GARIN3: variants seen among roughly 807,000 people sequenced by gnomAD.
GARIN3 encodes the protein golgi associated RAB2 interactor family member 3.
the GARIN3 span, chr5:157,163,200 AC>A: frequency 8.1e-6 from 13 of 1,614,114 alleles, no homozygotes; most frequent in Non-Finnish European, 1.1e-5. Flanking sequence ...AGGTGGAAGT[AC>A]CTTCCAAGGA....
At chr5:157,164,374 T>C in the GARIN3 span, among the ~76,000 whole-genome samples, 1 of 152,100 alleles carries the variant, frequency 6.6e-6, no homozygotes, top group East Asian at 1.9e-4. Context: ...CTGGTGTCGA[T>C]CTCCTGACCT....
the GARIN3 span, among the ~76,000 whole-genome samples, chr5:157,164,471 C>T: frequency 6.6e-6 from 1 of 152,196 alleles, no homozygotes; most frequent in African/African-American, 2.4e-5. Flanking sequence ...GTCTTGCTCT[C>T]ATTTCTTGCC....
chr5:157,162,776 G>T, the GARIN3 span: 1 of 1,614,180 alleles, frequency 6.2e-7, no homozygotes, highest in African/African-American at 1.3e-5. Context: ...GAGCTCTTGC[G>T]AGAGGAGCCA....
the GARIN3 span, among the ~76,000 whole-genome samples, chr5:157,165,063 T>C: frequency 2.6e-5 from 4 of 152,082 alleles, no homozygotes; most frequent in Admixed American, 6.6e-5. Flanking sequence ...CAGTTGCACA[T>C]TGGAGACTCA....
At chr5:157,162,412 C>A in the GARIN3 span, 3 of 1,593,386 alleles carry the variant, frequency 1.9e-6, no homozygotes, top group African/African-American at 2.7e-5. Context: ...AGGGATACTT[C>A]CAGATCCCTG....
the GARIN3 span, chr5:157,162,237 G>T: frequency 2.9e-6 from 2 of 692,800 alleles, no homozygotes; most frequent in Admixed American, 3.2e-5. Context: ...TTGCCTGGAG[G>T]CTGGGGTCTC....
the GARIN3 span, chr5:157,162,609 T>C: frequency 6.2e-7 from 1 of 1,614,238 alleles, no homozygotes; most frequent in South Asian, 1.1e-5. Context: ...TGTCATGTGA[T>C]GTGACCCTTG....
chr5:157,165,694 C>G, the GARIN3 span: 1 of 1,614,148 alleles, frequency 6.2e-7, no homozygotes, highest in Non-Finnish European at 8.5e-7. Flanking sequence ...TCCCGTGTGT[C>G]AGAAGAGGGA....
the GARIN3 span, chr5:157,163,324 G>T: frequency 3.7e-6 from 6 of 1,613,916 alleles, no homozygotes; most frequent in Admixed American, 1.0e-4. Context: ...AGCTGCTCCC[G>T]CCAGCGCTGT....
the GARIN3 span, chr5:157,165,678 A>G: frequency 6.2e-7 from 1 of 1,614,210 alleles, no homozygotes; most frequent in African/African-American, 1.3e-5. Context: ...ATAGCAAAAG[A>G]GATCTTCCCG....
the GARIN3 span, chr5:157,162,175 G>A: frequency 9.9e-6 from 5 of 505,032 alleles, no homozygotes; most frequent in Non-Finnish European, 1.7e-5. Flanking sequence ...TTGAGGCAAA[G>A]CTGAACACTC....
chr5:157,163,158 G>A, the GARIN3 span: 2 of 1,614,096 alleles, frequency 1.2e-6, no homozygotes, highest in Non-Finnish European at 1.7e-6. Context: ...TCAAGCTGCT[G>A]TCTTGGGAGA....
the GARIN3 span, chr5:157,166,027 C>G: frequency 6.2e-7 from 1 of 1,614,086 alleles, no homozygotes; most frequent in Non-Finnish European, 8.5e-7. Flanking sequence ...AAATTACTCT[C>G]GAACATTGGT....
the GARIN3 span, chr5:157,163,608 C>T: frequency 1.2e-6 from 2 of 1,613,948 alleles, no homozygotes; most frequent in Non-Finnish European, 1.7e-6. Flanking sequence ...CATCACAAGG[C>T]TTGTAGAGCC....
chr5:157,162,751 G>T, the GARIN3 span: 1 of 1,614,190 alleles, frequency 6.2e-7, no homozygotes, highest in Non-Finnish European at 8.5e-7. Flanking sequence ...CTCCTTTTTG[G>T]TGGAGCTGTG....
chr5:157,162,178 G>C, the GARIN3 span: 1 of 510,516 alleles, frequency 2.0e-6, no homozygotes, highest in Non-Finnish European at 3.4e-6. Context: ...AGGCAAAGCT[G>C]AACACTCACG....
chr5:157,163,676 G>A, the GARIN3 span: 4 of 1,600,272 alleles, frequency 2.5e-6, no homozygotes, highest in Non-Finnish European at 3.4e-6. Context: ...AAGGGGAAGA[G>A]AAACAGATGA....
chr5:157,162,304 G>C, the GARIN3 span: 1 of 1,285,458 alleles, frequency 7.8e-7, no homozygotes, highest in South Asian at 1.5e-5. Context: ...CCAGGCTATG[G>C]GCAGAAAAAT....
chr5:157,164,635 A>G, the GARIN3 span, among the ~76,000 whole-genome samples: 2 of 152,138 alleles, frequency 1.3e-5, no homozygotes, highest in Non-Finnish European at 2.9e-5. Context: ...CAGAAGTGGG[A>G]TTGCACAGTC....
Sources: allele counts gnomAD v4.1 joint callset (sites outside exome capture counted in the v4.1 genomes callset), GRCh38; gene constraint gnomAD v4.1.1; transcripts MANE v1.5; gene names NCBI Gene and HGNC (gene_info 2026-07-23, HGNC 2026-07-21).